PKIB: variants seen among roughly 807,000 people sequenced by gnomAD.
The protein encoded by PKIB is PKI-beta.
Under a neutral mutation model 4.5 loss-of-function variants are expected in PKIB, and 2 were observed. The ratio of observed to expected loss-of-function variants is 0.44; its 90% CI spans 0.18 to 1.39. The LOEUF (loss-of-function observed/expected upper bound fraction) is 1.39, where lower values mean the gene tolerates loss of function less well. Among genes scored for constraint, PKIB ranks in the 40% most tolerant of loss-of-function variants. The pLI, the probability that PKIB is intolerant of heterozygous loss-of-function variation, is 0.27. For synonymous variants in PKIB, 38 were observed against 36.0 expected (o/e 1.06, Z -0.20); for missense variants, 94 against 92.6 (o/e 1.02, Z -0.06).
intron 3 of PKIB, among the ~76,000 whole-genome samples, chr6:122,715,664 T>TATATATATATAC (rs1554236012): frequency 6.7e-6 from 1 of 150,282 alleles, no homozygotes; most frequent in Non-Finnish European, 1.5e-5. Context: ...TATATATATA[T>TATATATATATAC]ACATACACAT....
At chr6:122,646,127 A>G (rs1165410753) in intron 2 of PKIB, among the ~76,000 whole-genome samples, 1 of 152,214 alleles carries the variant, frequency 6.6e-6, no homozygotes, top group Non-Finnish European at 1.5e-5. Flanking sequence ...GAGGTTATCT[A>G]TCTAAGAAGA....
intron 1 of PKIB, among the ~76,000 whole-genome samples, chr6:122,622,783 G>A (rs976016633): frequency 4.7e-5 from 7 of 148,988 alleles, no homozygotes; most frequent in South Asian, 4.2e-4. Flanking sequence ...AGGGTTCTTA[G>A]TAAGTATCTG....
chr6:122,541,582 G>A (rs554552408), intron 2 of PKIB, among the ~76,000 whole-genome samples: 1 of 151,916 alleles, frequency 6.6e-6, no homozygotes, highest in Non-Finnish European at 1.5e-5. Context: ...CCCTTTGTGG[G>A]TAACCTGACC....
chr6:122,660,742 A>G (rs1562289944), intron 2 of PKIB, among the ~76,000 whole-genome samples: 1 of 152,190 alleles, frequency 6.6e-6, no homozygotes, highest in Non-Finnish European at 1.5e-5. Context: ...TTATTAAGCA[A>G]CCAAAGGAAA....
intron 2 of PKIB, among the ~76,000 whole-genome samples, chr6:122,661,511 G>A (rs1258005848): frequency 6.6e-6 from 1 of 152,096 alleles, no homozygotes; most frequent in African/African-American, 2.4e-5. Context: ...CAATGTTGTG[G>A]CATGTATCAA....
At chr6:122,489,409 AG>A (rs1433548507) in intron 2 of PKIB, among the ~76,000 whole-genome samples, 2 of 151,856 alleles carry the variant, frequency 1.3e-5, no homozygotes, top group East Asian at 3.9e-4. Flanking sequence ...CACCACACCC[AG>A]CTAATTTTTG....
intron 1 of PKIB, among the ~76,000 whole-genome samples, chr6:122,621,055 C>T (rs1460169499): frequency 6.6e-6 from 1 of 152,098 alleles, no homozygotes; most frequent in Non-Finnish European, 1.5e-5. Flanking sequence ...TTTTAACCTA[C>T]TACCAGATGG....
intron 2 of PKIB, among the ~76,000 whole-genome samples, chr6:122,527,136 C>T (rs545619175): frequency 2.2e-4 from 33 of 152,176 alleles, no homozygotes; most frequent in South Asian, 1.7e-3. Context: ...TCTTAGCCTT[C>T]GTAAAATTGA....
intron 2 of PKIB, among the ~76,000 whole-genome samples, chr6:122,505,016 A>G (rs996034271): frequency 3.9e-5 from 6 of 152,198 alleles, no homozygotes; most frequent in African/African-American, 1.4e-4. Context: ...ATTGAGTACA[A>G]TCACTTAGAT....
At chr6:122,593,825 T>C (rs1245261440) in intron 3 of PKIB, among the ~76,000 whole-genome samples, 5 of 152,178 alleles carry the variant, frequency 3.3e-5, no homozygotes, top group African/African-American at 9.7e-5. Flanking sequence ...CAGAATAGTG[T>C]CCTGTAGATT....
intron 2 of PKIB, among the ~76,000 whole-genome samples, chr6:122,486,830 T>C (rs1016306582): frequency 1.3e-5 from 2 of 152,194 alleles, no homozygotes; most frequent in Admixed American, 6.5e-5. Context: ...AACATCTTAG[T>C]TGAAATAACT....
chr6:122,588,308 C>A (rs1399893377), intron 3 of PKIB, among the ~76,000 whole-genome samples: 1 of 152,108 alleles, frequency 6.6e-6, no homozygotes, highest in Non-Finnish European at 1.5e-5. Context: ...TGTCAAAGAT[C>A]AGATAGTTGT....
chr6:122,568,529 A>G (rs1219591279), intron 2 of PKIB, among the ~76,000 whole-genome samples: 1 of 152,228 alleles, frequency 6.6e-6, no homozygotes, highest in Non-Finnish European at 1.5e-5. Flanking sequence ...TGTGCAATAT[A>G]AAAGTAGAAG....
intron 2 of PKIB, among the ~76,000 whole-genome samples, chr6:122,497,263 A>G (rs1199310106): frequency 6.6e-6 from 1 of 152,228 alleles, no homozygotes; most frequent in Non-Finnish European, 1.5e-5. Flanking sequence ...ACCTACTACC[A>G]TAAAATCACA....
chr6:122,525,027 C>G (rs1242345361), intron 2 of PKIB, among the ~76,000 whole-genome samples: 1 of 150,770 alleles, frequency 6.6e-6, no homozygotes, highest in African/African-American at 2.4e-5. Flanking sequence ...TTTTTTTCCC[C>G]TAGTTTCCTT....
intron 3 of PKIB, among the ~76,000 whole-genome samples, chr6:122,703,285 TTTTA>T (rs1167259454): frequency 6.6e-6 from 1 of 152,188 alleles, no homozygotes; most frequent in African/African-American, 2.4e-5. Context: ...TTTTTTAATT[TTTTA>T]TTTCTTTTAA....
chr6:122,486,999 G>A (rs527597356), intron 2 of PKIB, among the ~76,000 whole-genome samples: 1 of 152,172 alleles, frequency 6.6e-6, no homozygotes, highest in Non-Finnish European at 1.5e-5. Context: ...ACATGATGCT[G>A]TATTTCATGT....
At chr6:122,492,992 A>T (rs557341380) in intron 2 of PKIB, among the ~76,000 whole-genome samples, 1 of 152,282 alleles carries the variant, frequency 6.6e-6, no homozygotes, top group South Asian at 2.1e-4. Flanking sequence ...GTAGATAATT[A>T]ATTTCTCTTT....
chr6:122,501,903 A>G (rs991725883), intron 2 of PKIB, among the ~76,000 whole-genome samples: 4 of 147,196 alleles, frequency 2.7e-5, no homozygotes, highest in Non-Finnish European at 6.0e-5. Flanking sequence ...GCAAATAAGC[A>G]TAGGCTTTTA....
Sources: gnomAD v4.1 joint callset for allele counts (sites outside exome capture counted in the v4.1 genomes callset) on GRCh38, gnomAD v4.1.1 for gene constraint, MANE v1.5 for transcripts, NCBI Gene and HGNC (gene_info 2026-07-23, HGNC 2026-07-21) for gene names.